SOCS5: variants seen among roughly 807,000 people sequenced by gnomAD.
The protein encoded by SOCS5 is suppressor of cytokine signaling 5.
SOCS5 carries 32 observed loss-of-function variants against 42.8 expected under a neutral mutation model. The observed-to-expected ratio is 0.75, with a 90% CI of 0.56 to 1.01. The LOEUF is 1.01. Ranked by LOEUF, SOCS5 falls within the 50% of genes least tolerant of loss-of-function variation. SOCS5 has a pLI of 0.00. For missense variants in SOCS5, 627 were observed against 653.0 expected (o/e 0.96, Z 0.43); for synonymous variants, 283 against 229.6 (o/e 1.23, Z -2.10).
chr2:46,706,520 A>G (rs1240305195), intron 1 of SOCS5, among the ~76,000 whole-genome samples: 1 of 152,236 alleles, frequency 6.6e-6, no homozygotes, highest in African/African-American at 2.4e-5. Flanking sequence ...AAGGAAAGCT[A>G]GGAATGTCTT....
chr2:46,713,460 T>C (rs1369229548), intron 1 of SOCS5, among the ~76,000 whole-genome samples: 1 of 152,266 alleles, frequency 6.6e-6, no homozygotes, highest in South Asian at 2.1e-4. Flanking sequence ...GAAAATAAAT[T>C]ATAAATTTTA....
Position 46,759,532 on chromosome 2 carries a change from G to C in SOCS5, c.1002G>C (p.Gln334His). ...AGGATACAACCACCCTGTGTTTGCA[G>C]TCACGGAGGCAGAAGCAGCGTCAGA... ...SEEDTTTLCL[Q>H]SRRQKQRQIS... The change falls in exon 2 of 2, where the codon CAG (glutamine) becomes CAC (histidine). Residue 334 changes from glutamine (Q) to histidine (H), a missense_variant. This residue lies in a region of SOCS5 where 340 missense variants were observed against 367.6 expected (regional missense o/e 0.92). Transcript: ENST00000394861. The C allele has an allele frequency of 6.2e-7, 1 of 1,613,998 alleles. No homozygotes were observed. Among genetic ancestry groups the C allele is most frequent in the Non-Finnish European group, 8.5e-7 (1 of 1,179,868 alleles).
chr2:46,722,790 C>T (rs376588012), intron 1 of SOCS5, among the ~76,000 whole-genome samples: 2 of 152,136 alleles, frequency 1.3e-5, no homozygotes, highest in African/African-American at 2.4e-5. Context: ...CAGCCCCACT[C>T]ACAATGTTAT....
In SOCS5 at chr2:46,758,656, G is replaced by GA; in HGVS notation, c.131dup (p.Asn44LysfsTer48). ...CCAACAGATGTTTGTCTGTCAAAGA[G>GA]AAAAACATCAGCATAGGAGACTCAA... On this transcript the variant is annotated frameshift_variant, in exon 2 of 2. Transcript: ENST00000394861. LOFTEE classifies it high-confidence loss of function. 2 of 1,614,118 alleles carry GA rather than the reference G, an allele frequency of 1.2e-6. No homozygotes were observed. The highest frequency in any genetic ancestry group is 2.2e-5 in the South Asian group (2 of 91,084).
chr2:46,733,568 C>CAAAAAAAAAAAAAAAAAA, intron 1 of SOCS5, among the ~76,000 whole-genome samples: 1 of 58,460 alleles, frequency 1.7e-5, no homozygotes, highest in Non-Finnish European at 3.4e-5. Flanking sequence ...GACCCTGTCT[C>CAAAAAAAAAAAAAAAAAA]AAAAAAAAAA....
At chr2:46,735,880 G>C (rs1349067169) in intron 1 of SOCS5, among the ~76,000 whole-genome samples, 1 of 151,958 alleles carries the variant, frequency 6.6e-6, no homozygotes, top group East Asian at 1.9e-4. Context: ...CCTCAAAATT[G>C]ACCACACAGA....
intron 1 of SOCS5, among the ~76,000 whole-genome samples, chr2:46,720,784 A>T (rs1485878446): frequency 6.6e-6 from 1 of 152,204 alleles, no homozygotes; most frequent in East Asian, 1.9e-4. Flanking sequence ...GTGAGGTACC[A>T]GTGCAGCTGG....
chr2:46,743,798 T>G (rs1673431089), intron 1 of SOCS5, among the ~76,000 whole-genome samples: 1 of 152,088 alleles, frequency 6.6e-6, no homozygotes, highest in South Asian at 2.1e-4. Context: ...TGTCTGAAAT[T>G]TAAACAAAGG....
intron 1 of SOCS5, among the ~76,000 whole-genome samples, chr2:46,731,191 A>G (rs1012906146): frequency 6.6e-6 from 1 of 152,160 alleles, no homozygotes; most frequent in African/African-American, 2.4e-5. Flanking sequence ...GTGATTATAT[A>G]AGGAGGTGGA....
rs1673860843 is a variant in SOCS5, at chr2:46,761,169, C to G, written c.*1028C>G. 1 of 167,076 alleles carries G rather than the reference C, an allele frequency of 6.0e-6. No individual in the cohort carries two copies. The highest frequency in any genetic ancestry group is 1.5e-5 in the Non-Finnish European group (1 of 68,116). 10.3% of individuals were successfully genotyped at this position (167,076 alleles called of 1,614,324 possible). ...GTGCAGTTCATTCTTAATGGAAAAT[C>G]TGAAACCTAAATTGCAGATTTAAAA... On this transcript the variant is annotated 3_prime_UTR_variant, in exon 2 of 2. Coordinates refer to ENST00000394861, the MANE Select transcript of SOCS5 (RefSeq NM_144949.3).
intron 1 of SOCS5, among the ~76,000 whole-genome samples, chr2:46,700,777 C>T (rs1303772298): frequency 6.6e-6 from 1 of 152,126 alleles, no homozygotes. Context: ...TGGTGGTCTC[C>T]AGAGTGCACC....
intron 1 of SOCS5, among the ~76,000 whole-genome samples, chr2:46,720,465 T>C (rs1672854087): frequency 6.6e-6 from 1 of 152,224 alleles, no homozygotes; most frequent in African/African-American, 2.4e-5. Flanking sequence ...CTACTTTGTG[T>C]CTATGGTAAG....
At chr2:46,725,313 C>A (rs1672967869) in intron 1 of SOCS5, among the ~76,000 whole-genome samples, 1 of 151,920 alleles carries the variant, frequency 6.6e-6, no homozygotes. Context: ...TCAAAAAAAT[C>A]TAATAATTTT....
intron 1 of SOCS5, among the ~76,000 whole-genome samples, chr2:46,739,769 G>T (rs1381670892): frequency 6.6e-6 from 1 of 151,810 alleles, no homozygotes; most frequent in African/African-American, 2.4e-5. Context: ...TGCCTCTTTT[G>T]TACACATGTC....
At position 46,760,127 on chromosome 2, in the gene SOCS5, G is replaced by C; in HGVS notation, c.1597G>C (p.Val533Leu). The C allele has an allele frequency of 6.2e-7, 1 of 1,612,564 alleles. No homozygotes were observed. The highest frequency in any genetic ancestry group is 1.7e-4 in the Middle Eastern group (1 of 6,046). ...AGTTCGCTGGTTGGAACGAGAACCA[G>C]TCAAGGCAAAGTAAACTCTCCGGTC... ...VRVRWLEREP[V>L]KAK Residue 533 changes from valine (V) to leucine (L), a missense_variant, in exon 2 of 2, where the codon GTC (valine) becomes CTC (leucine). Transcript: ENST00000394861.
intron 1 of SOCS5, among the ~76,000 whole-genome samples, chr2:46,705,628 T>C (rs1306049108): frequency 6.6e-6 from 1 of 152,214 alleles, no homozygotes; most frequent in East Asian, 1.9e-4. Context: ...CACTTTCTTA[T>C]GGGTTAAAAT....
intron 1 of SOCS5, among the ~76,000 whole-genome samples, chr2:46,705,384 G>A (rs10168342): frequency 0.71 from 107,480 of 152,180 alleles, 39,115 homozygotes; most frequent in African/African-American, 0.87. Context: ...GAATTAGAGG[G>A]CAGCCAGTTG....
intron 1 of SOCS5, among the ~76,000 whole-genome samples, chr2:46,709,022 G>T (rs904682290): frequency 6.6e-6 from 1 of 151,818 alleles, no homozygotes. Context: ...AAGTAGCGGG[G>T]ACTACAGGCA....
intron 1 of SOCS5, among the ~76,000 whole-genome samples, chr2:46,723,789 C>G (rs548692574): frequency 6.6e-6 from 1 of 152,096 alleles, no homozygotes; most frequent in African/African-American, 2.4e-5. Flanking sequence ...ATCAGTTTGT[C>G]TGTATCAGTG....
Sources: gnomAD v4.1 joint callset for allele counts (sites outside exome capture counted in the v4.1 genomes callset) on GRCh38, gnomAD v4.1.1 for gene constraint, gnomAD v4.1.1 regional missense constraint, MANE v1.5 for transcripts, NCBI Gene and HGNC (gene_info 2026-07-23, HGNC 2026-07-21) for gene names.